The following DLG2 variants were observed in gnomAD, a reference collection of about 807,000 sequenced individuals.
DLG2 encodes disks large homolog 2.
DLG2 carries 45 observed loss-of-function variants against 132.5 expected under a neutral mutation model. The ratio of observed to expected loss-of-function variants is 0.34; its 90% CI spans 0.27 to 0.44. DLG2 has a LOEUF of 0.44. Ranked by LOEUF, DLG2 falls within the 20% of genes least tolerant of loss-of-function variation. DLG2 has a pLI of 1.00. For synonymous variants in DLG2, 424 were observed against 419.6 expected, an observed-to-expected ratio of 1.01 and a Z score of -0.13; for missense variants, 1,045 against 1,196.9, an observed-to-expected ratio of 0.87 and a Z score of 1.87.
intron 3 of DLG2, among the ~76,000 whole-genome samples, chr11:85,532,807 A>G (rs183228896): frequency 7.9e-5 from 12 of 152,326 alleles, no homozygotes; most frequent in African/African-American, 1.9e-4. Context: ...TTTAATTTCT[A>G]TCAGTAAGGA....
At chr11:83,780,956 C>A (rs2094793815) in intron 18 of DLG2, among the ~76,000 whole-genome samples, 1 of 150,108 alleles carries the variant, frequency 6.7e-6, no homozygotes, top group South Asian at 2.1e-4. Flanking sequence ...GCCTCACAAA[C>A]TCTAATGTGC....
intron 5 of DLG2, among the ~76,000 whole-genome samples, chr11:85,152,148 A>G (rs527850723): frequency 6.6e-6 from 1 of 152,322 alleles, no homozygotes; most frequent in African/African-American, 2.4e-5. Flanking sequence ...AAAATAATTA[A>G]GAGCAATGCT....
At chr11:85,255,937 G>C (rs983908351) in intron 4 of DLG2, among the ~76,000 whole-genome samples, 1 of 152,160 alleles carries the variant, frequency 6.6e-6, no homozygotes, top group Non-Finnish European at 1.5e-5. Flanking sequence ...ATAATTCAGA[G>C]TTAGGGGCAA....
At chr11:83,576,481 C>T (rs764839661) in intron 19 of DLG2, among the ~76,000 whole-genome samples, 1 of 151,964 alleles carries the variant, frequency 6.6e-6, no homozygotes, top group Admixed American at 6.6e-5. Context: ...ACATCATAAT[C>T]AAACAGCTTA....
chr11:85,333,727 A>G (rs1298065684), intron 3 of DLG2, among the ~76,000 whole-genome samples: 1 of 152,068 alleles, frequency 6.6e-6, no homozygotes, highest in Non-Finnish European at 1.5e-5. Flanking sequence ...TGATGAATCA[A>G]ATTTATTGAT....
chr11:84,173,868 G>A (rs1429303508), intron 8 of DLG2, among the ~76,000 whole-genome samples: 2 of 152,042 alleles, frequency 1.3e-5, no homozygotes, highest in African/African-American at 4.8e-5. Flanking sequence ...TTCCATCACA[G>A]GGTCTATCCT....
chr11:84,493,475 T>A (rs570977545), intron 7 of DLG2, among the ~76,000 whole-genome samples: 2 of 152,118 alleles, frequency 1.3e-5, no homozygotes, highest in Admixed American at 1.3e-4. Flanking sequence ...AGCCCCTGCC[T>A]GAATCATAAT....
At chr11:85,157,678 C>T (rs1048495882) in intron 4 of DLG2, among the ~76,000 whole-genome samples, 1 of 151,966 alleles carries the variant, frequency 6.6e-6, no homozygotes, top group African/African-American at 2.4e-5. Flanking sequence ...CTAAGATTAC[C>T]CTGAGTGAAA....
intron 7 of DLG2, among the ~76,000 whole-genome samples, chr11:84,415,826 C>T (rs1201776331): frequency 1.3e-5 from 2 of 152,168 alleles, no homozygotes; most frequent in Admixed American, 1.3e-4. Flanking sequence ...CTCATCTATA[C>T]AGCACTGATA....
At chr11:85,408,792 A>G (rs1022492409) in intron 3 of DLG2, among the ~76,000 whole-genome samples, 1 of 151,492 alleles carries the variant, frequency 6.6e-6, no homozygotes, top group Non-Finnish European at 1.5e-5. Context: ...AATCCAGTCT[A>G]TCATTGTTGG....
At chr11:84,342,589 T>A (rs929057057) in intron 7 of DLG2, among the ~76,000 whole-genome samples, 3 of 152,190 alleles carry the variant, frequency 2.0e-5, no homozygotes, top group Admixed American at 1.3e-4. Flanking sequence ...TATTATAATA[T>A]CTACCTATTA....
chr11:85,497,156 C>T (rs184767558), intron 3 of DLG2, among the ~76,000 whole-genome samples: 38 of 151,904 alleles, frequency 2.5e-4, no homozygotes, highest in Admixed American at 1.6e-3. Flanking sequence ...TGTTCTAACC[C>T]GTCGCAAGGA....
At chr11:84,692,766 C>T (rs2153727257) in intron 6 of DLG2, among the ~76,000 whole-genome samples, 1 of 151,666 alleles carries the variant, frequency 6.6e-6, no homozygotes, top group Admixed American at 6.6e-5. Flanking sequence ...TTTAAAATGG[C>T]TCAAATCACC....
intron 18 of DLG2, among the ~76,000 whole-genome samples, chr11:83,768,715 G>A (rs1432751154): frequency 6.6e-6 from 1 of 152,204 alleles, no homozygotes; most frequent in East Asian, 1.9e-4. Flanking sequence ...ATGCATATAA[G>A]TTTAATGAGG....
At chr11:84,039,244 G>A (rs1019986647) in intron 11 of DLG2, among the ~76,000 whole-genome samples, 30 of 147,986 alleles carry the variant, frequency 2.0e-4, no homozygotes, top group African/African-American at 6.2e-4. Context: ...TATACTTTAA[G>A]ATTTAGGGTA....
At chr11:84,176,680 G>A (rs534346535) in intron 8 of DLG2, among the ~76,000 whole-genome samples, 7 of 152,136 alleles carry the variant, frequency 4.6e-5, no homozygotes, top group East Asian at 1.9e-4. Context: ...GGATTAAGGC[G>A]TTCTGGACTC....
chr11:84,826,554 T>C (rs2078349743), intron 6 of DLG2, among the ~76,000 whole-genome samples: 1 of 151,954 alleles, frequency 6.6e-6, no homozygotes, highest in Non-Finnish European at 1.5e-5. Context: ...TCAGAAATAT[T>C]ATTTCTCAGC....
At chr11:84,541,673 TAA>T (rs953440821) in intron 6 of DLG2, among the ~76,000 whole-genome samples, 13 of 152,036 alleles carry the variant, frequency 8.6e-5, no homozygotes, top group Non-Finnish European at 1.5e-4. Context: ...AAATGACACA[TAA>T]AAAGAGATCA....
chr11:84,700,279 A>T (rs1345679959), intron 6 of DLG2, among the ~76,000 whole-genome samples: 1 of 151,652 alleles, frequency 6.6e-6, no homozygotes, highest in Non-Finnish European at 1.5e-5. Context: ...GAAATCAAAT[A>T]GGAGTGTCCA....
Sources: allele counts gnomAD v4.1 joint callset (sites outside exome capture counted in the v4.1 genomes callset), GRCh38; gene constraint gnomAD v4.1.1; transcripts MANE v1.5; gene names NCBI Gene and HGNC (gene_info 2026-07-23, HGNC 2026-07-21).